The following C19orf47 variants were observed in gnomAD, a reference collection of about 807,000 sequenced individuals.
C19orf47 encodes uncharacterized protein C19orf47.
In C19orf47, 18 loss-of-function variants were observed where a neutral mutation model predicts 32.3. The observed-to-expected ratio is 0.56, with a 90% confidence interval of 0.39 to 0.83. The LOEUF (loss-of-function observed/expected upper bound fraction) is 0.83, where lower values mean the gene tolerates loss of function less well. Among genes scored for constraint, C19orf47 ranks in the 40% least tolerant of loss-of-function variants. The probability of loss-of-function intolerance (pLI) is 0.00; values close to 1 mark genes in which losing one functional copy is unlikely to be tolerated. For synonymous variants in C19orf47, 202 were observed against 211.1 expected, an observed-to-expected ratio of 0.96 and a Z score of 0.37; for missense variants, 484 against 531.6, an observed-to-expected ratio of 0.91 and a Z score of 0.88.
the C19orf47 span, among the ~76,000 whole-genome samples, chr19:40,312,274 A>G: frequency 0.017 from 2,508 of 150,668 alleles, 28 homozygotes; most frequent in Non-Finnish European, 0.024. Flanking sequence ...AGGGCTGGGC[A>G]TGGTGGCTCA....
chr19:40,315,447 A>G (rs2077655351), downstream of C19orf47, among the ~76,000 whole-genome samples: 2 of 151,990 alleles, frequency 1.3e-5, no homozygotes, highest in Admixed American at 6.6e-5. Context: ...GGAATCTGAG[A>G]CCAGCTAGGG....
Position 40,348,377 on chromosome 19 carries a change from G to A in C19orf47, c.-87C>T, listed in dbSNP as rs1367345179. The stretch of plus-strand genomic sequence containing the variant: ...GCCGCCCGCCCTCCCTCCCGGCGGC[G>A]CCAACTGTCAGACACTCCTCCCCCG... On this transcript the variant is annotated 5_prime_UTR_variant, in exon 1 of 9. Transcript: ENST00000683109. 7.1e-6 allele frequency: 10 copies of A among 1,398,718 alleles called. No individual in the cohort carries two copies. Among genetic ancestry groups the A allele is most frequent in the African/African-American group, 1.5e-5 (1 of 66,168 alleles). The allele number at this position is 1,398,718 out of a possible 1,614,324, so 86.6% of individuals were successfully genotyped here.
At chr19:40,333,696 G>C (rs1488581934) in intron 5 of C19orf47, among the ~76,000 whole-genome samples, 155 bp downstream of exon 5, 1 of 152,142 alleles carries the variant, frequency 6.6e-6, no homozygotes, top group East Asian at 1.9e-4. Context: ...TCACTACCCA[G>C]TTTATTTTTT....
rs1437955860 is a variant in C19orf47, at chr19:40,333,841, T to C, written c.301+10A>G. ...ATCAAGGAAAAGAGGCCTGAATAGT[T>C]AGGACTCACCACTGGTGCCACGGCG... On this transcript the variant is annotated intron_variant, in intron 5 of 8. Transcript: ENST00000683109. The C allele has an allele frequency of 2.6e-6, 4 of 1,558,344 alleles. No homozygotes were observed. In the Admixed American group the frequency reaches 7.8e-5, roughly 30 times the overall value.
At chr19:40,305,158 C>T in the C19orf47 span, among the ~76,000 whole-genome samples, 27 of 152,254 alleles carry the variant, frequency 1.8e-4, no homozygotes, top group Non-Finnish European at 3.4e-4. Flanking sequence ...GCCTGGCCAA[C>T]ATAGCGAAAT....
intron 8 of C19orf47, among the ~76,000 whole-genome samples, chr19:40,322,957 C>G (rs896265437): frequency 1.2e-4 from 18 of 152,186 alleles, no homozygotes; most frequent in African/African-American, 4.1e-4. Context: ...ACAGGGGTGG[C>G]TCCTCATCAG....
chr19:40,323,996 C>G lies in C19orf47; in HGVS notation c.663+10G>C, dbSNP rs765454585. Reference sequence around the variant, plus strand: ...CGCACGCCCAGAATCGCTCCCCCATCCCCACTCACTTTACTCCCTGTCGTG... The same window carrying G: ...CGCACGCCCAGAATCGCTCCCCCATGCCCACTCACTTTACTCCCTGTCGTG... On this transcript the variant is annotated intron_variant, in intron 8 of 8. Transcript: ENST00000683109. 37 of 1,614,100 alleles carry G rather than the reference C, an allele frequency of 2.3e-5. No homozygotes were observed. In the Admixed American group the frequency reaches 5.7e-4, roughly 25 times the overall value.
downstream of C19orf47, among the ~76,000 whole-genome samples, chr19:40,317,064 CT>C (rs1320752564): frequency 5.3e-5 from 8 of 152,102 alleles, no homozygotes; most frequent in African/African-American, 1.7e-4. Flanking sequence ...ATACTTTTCA[CT>C]GTAGAGACTT....
chr19:40,322,777 A>G (rs754482888), intron 8 of C19orf47, among the ~76,000 whole-genome samples: 6 of 152,210 alleles, frequency 3.9e-5, no homozygotes, highest in Non-Finnish European at 8.8e-5. Context: ...ACCTGGTCCT[A>G]GGCCGGCAGT....
At chr19:40,312,106 G>T in the C19orf47 span, among the ~76,000 whole-genome samples, 5 of 152,182 alleles carry the variant, frequency 3.3e-5, no homozygotes, top group African/African-American at 7.2e-5. Context: ...TGACCACAAT[G>T]CGAGTTCTCA....
chr19:40,320,082 C>A lies in C19orf47; in HGVS notation c.*1800G>T. 6.5e-6 allele frequency: 1 copy of A among 154,644 alleles called. No individual in the cohort carries two copies. The highest frequency in any genetic ancestry group is 2.0e-4 in the South Asian group (1 of 4,880). 9.6% of individuals were successfully genotyped at this position (154,644 alleles called of 1,614,324 possible). A position where few individuals can be genotyped will look rare whatever the true frequency, so the allele number is the denominator to read the frequency against. ...TCTTCTCTAGCCCCAACTTCCAACC[C>A]ATCAGCACATCCCACAGCTCTTCCT... On this transcript the variant is annotated 3_prime_UTR_variant, in exon 9 of 9. Coordinates refer to ENST00000683109, the MANE Select transcript of C19orf47 (RefSeq NM_001256441.2).
the C19orf47 span, among the ~76,000 whole-genome samples, chr19:40,308,150 C>CTTTA: frequency 1.8e-3 from 278 of 151,574 alleles, 2 homozygotes; most frequent in East Asian, 4.9e-3. Flanking sequence ...GGAAAGGCAA[C>CTTTA]TTTATTTATT....
At position 40,322,186 on chromosome 19, in the gene C19orf47, G is replaced by A; in HGVS notation, c.854C>T (p.Thr285Ile). 1 of 1,612,034 alleles carries A rather than the reference G, an allele frequency of 6.2e-7. No individual in the cohort carries two copies. Among genetic ancestry groups the A allele is most frequent in the Non-Finnish European group, 8.5e-7 (1 of 1,179,848 alleles). The change falls in exon 9 of 9, where the codon ACA (threonine) becomes ATA (isoleucine). Residue 285 changes from threonine (T) to isoleucine (I), a missense_variant. Thr to Ile is a moderately conservative substitution (Grantham distance 89, BLOSUM62 -1). Transcript: ENST00000683109. ...CCGCAGTGTCGGGGCAGCAGCCGTT[G>A]TCGCTGAGCTTGTGGCCTTGGCTTT... The part of the protein sequence containing the change: ...TVKAKATSSA[T>I]TAAAPTLRRL...
the C19orf47 span, among the ~76,000 whole-genome samples, chr19:40,298,359 G>A: frequency 1.5e-3 from 232 of 151,190 alleles, no homozygotes; most frequent in Non-Finnish European, 2.5e-3. Context: ...CTTTAAAACG[G>A]TTTCCCAACC....
At chr19:40,341,356 T>C (rs963667597) in intron 2 of C19orf47, among the ~76,000 whole-genome samples, 7 of 151,652 alleles carry the variant, frequency 4.6e-5, no homozygotes, top group Non-Finnish European at 8.8e-5. Flanking sequence ...ATATATAATA[T>C]ATATAATATA....
chr19:40,302,055 G>A, the C19orf47 span, among the ~76,000 whole-genome samples: 1 of 151,932 alleles, frequency 6.6e-6, no homozygotes, highest in East Asian at 1.9e-4. Context: ...CAGCTACTCA[G>A]GAGGCTAAGG....
chr19:40,337,851 G>A (rs771287097), intron 2 of C19orf47, among the ~76,000 whole-genome samples: 2 of 152,080 alleles, frequency 1.3e-5, no homozygotes, highest in African/African-American at 2.4e-5. Context: ...GATTTCCTCC[G>A]CCAGGCCAGA....
the C19orf47 span, among the ~76,000 whole-genome samples, chr19:40,295,582 C>T: frequency 2.0e-5 from 3 of 151,802 alleles, no homozygotes; most frequent in African/African-American, 4.8e-5. Flanking sequence ...ATTACAGGCG[C>T]CCACCACCAT....
downstream of C19orf47, among the ~76,000 whole-genome samples, chr19:40,317,870 C>T (rs1223219251): frequency 2.6e-5 from 4 of 152,046 alleles, no homozygotes; most frequent in Non-Finnish European, 5.9e-5. Flanking sequence ...CAGGCGTGCA[C>T]CAACACACCG....
Sources: allele counts gnomAD v4.1 joint callset (sites outside exome capture counted in the v4.1 genomes callset), GRCh38; gene constraint gnomAD v4.1.1; transcripts MANE v1.5; gene names NCBI Gene and HGNC (gene_info 2026-07-23, HGNC 2026-07-21).